The following STRN variants were observed in gnomAD, a reference collection of about 807,000 sequenced individuals.
STRN encodes protein phosphatase 2 regulatory subunit B'''alpha.
A neutral mutation model predicts 96.3 loss-of-function variants in STRN; 53 were observed. The observed-to-expected ratio is 0.55, with a 90% CI of 0.44 to 0.69. STRN has a LOEUF of 0.69. Among genes scored for constraint, STRN ranks in the 30% least tolerant of loss-of-function variants. The probability of loss-of-function intolerance (pLI) is 0.00; values close to 1 mark genes in which losing one functional copy is unlikely to be tolerated. For synonymous variants in STRN, 428 were observed against 355.9 expected, an observed-to-expected ratio of 1.20 and a Z score of -2.28; for missense variants, 987 against 963.9, an observed-to-expected ratio of 1.02 and a Z score of -0.32.
At chr2:36,873,212 C>A (rs1668811244) in intron 10 of STRN, among the ~76,000 whole-genome samples, 1 of 152,218 alleles carries the variant, frequency 6.6e-6, no homozygotes. Context: ...TGGCTGCATA[C>A]ATCTGAGAAA....
chr2:36,894,966 C>A (rs772401561), intron 6 of STRN, among the ~76,000 whole-genome samples: 95 of 152,150 alleles, frequency 6.2e-4, no homozygotes, highest in Non-Finnish European at 1.2e-3. Flanking sequence ...GAAGCCACTA[C>A]CAACAGAACA....
intron 5 of STRN, 73 bp from the exon 6 acceptor site, chr2:36,899,731 T>TAC: frequency 7.5e-7 from 1 of 1,327,864 alleles, no homozygotes; most frequent in African/African-American, 1.5e-5. Flanking sequence ...CATGATATGT[T>TAC]ACATCAACTT....
intron 1 of STRN, among the ~76,000 whole-genome samples, chr2:36,956,130 G>T (rs774836780): frequency 7.2e-5 from 11 of 152,188 alleles, no homozygotes; most frequent in Non-Finnish European, 1.3e-4. Context: ...CAAAGAGAAT[G>T]TAAGTAGCTA....
chr2:36,926,389 C>T (rs10177905), intron 1 of STRN, among the ~76,000 whole-genome samples: 5,663 of 152,254 alleles, frequency 0.037, 129 homozygotes, highest in African/African-American at 0.066. Context: ...TGTACCACCA[C>T]GTCCGTCTAT....
At chr2:36,856,695 A>G (rs950483171) in intron 14 of STRN, among the ~76,000 whole-genome samples, 2 of 152,174 alleles carry the variant, frequency 1.3e-5, no homozygotes, top group South Asian at 2.1e-4. Context: ...GAAATGTTCT[A>G]TCTCTCATAC....
intron 3 of STRN, among the ~76,000 whole-genome samples, chr2:36,912,678 T>C (rs934711510): frequency 6.6e-6 from 1 of 152,210 alleles, no homozygotes; most frequent in Non-Finnish European, 1.5e-5. Context: ...TGGCCTTGAG[T>C]GCCACCAGTA....
At chr2:36,874,529 C>G (rs891470488) in intron 10 of STRN, among the ~76,000 whole-genome samples, 2 of 151,828 alleles carry the variant, frequency 1.3e-5, no homozygotes, top group African/African-American at 4.8e-5. Context: ...GAAAATACAT[C>G]AAGCCATAAA....
At chr2:36,904,765 T>C (rs1206195033) in intron 4 of STRN, among the ~76,000 whole-genome samples, 3 of 152,182 alleles carry the variant, frequency 2.0e-5, no homozygotes, top group Non-Finnish European at 4.4e-5. Flanking sequence ...GAGGCAGCAG[T>C]TGCTGTAAGC....
intron 1 of STRN, among the ~76,000 whole-genome samples, chr2:36,939,183 G>C (rs893349559): frequency 2.3e-4 from 35 of 151,830 alleles, no homozygotes; most frequent in Admixed American, 5.3e-4. Context: ...CGCCCGCCTC[G>C]GCCTCCCAAA....
chr2:36,876,547 G>A (rs2691104), intron 10 of STRN, among the ~76,000 whole-genome samples: 130,517 of 151,962 alleles, frequency 0.86, 57,801 homozygotes, highest in Non-Finnish European at 0.96. Context: ...CTTCTTTACC[G>A]TACCTATGGT....
chr2:36,890,832 T>C (rs1191056667), intron 7 of STRN, among the ~76,000 whole-genome samples: 5 of 152,044 alleles, frequency 3.3e-5, no homozygotes, highest in Middle Eastern at 3.2e-3. Context: ...CTACCAATCA[T>C]TCTAGAAAGT....
At chr2:36,917,264 G>A (rs1670129128) in intron 2 of STRN, among the ~76,000 whole-genome samples, 2 of 151,726 alleles carry the variant, frequency 1.3e-5, no homozygotes, top group Admixed American at 6.6e-5. Flanking sequence ...GCTCATGCCT[G>A]TAATCCTAAC....
chr2:36,883,224 A>C (rs1669121020), intron 9 of STRN, among the ~76,000 whole-genome samples: 1 of 152,104 alleles, frequency 6.6e-6, no homozygotes, highest in Non-Finnish European at 1.5e-5. Flanking sequence ...GGAGCCCAAG[A>C]TGGGCAGATC....
chr2:36,938,400 T>C lies in STRN; in HGVS notation c.235-13192A>G, dbSNP rs541265185. 1.9e-4 allele frequency among the ~76,000 whole-genome samples: 29 copies of C among 150,546 alleles called. No homozygotes were observed. In the South Asian group the frequency reaches 2.9e-3, roughly 15 times the overall value. The stretch of plus-strand genomic sequence containing the variant: ...AAGATCATGTCACTGTACTCCAGCA[T>C]GGGCAATAGAGCAAGATTCTGTCTC... On this transcript the variant is annotated intron_variant, in intron 1 of 17. Coordinates refer to ENST00000263918, the MANE Select transcript of STRN (RefSeq NM_003162.4).
Position 36,846,530 on chromosome 2 carries a change from A to G in STRN, c.*2926T>C, listed in dbSNP as rs1668082513. On this transcript the variant is annotated 3_prime_UTR_variant, in exon 18 of 18. Transcript: ENST00000263918. ...AAATAAATCTTCATCATTATCTCCA[A>G]AAGAAATTTATAGCAAGAATACTGA... The G allele has an allele frequency of 6.7e-6, 1 of 148,510 alleles. No homozygotes were observed. Among genetic ancestry groups the G allele is most frequent in the Non-Finnish European group, 1.5e-5 (1 of 67,358 alleles). The allele number at this position is 148,510 out of a possible 1,614,324, so 9.2% of individuals were successfully genotyped here. A position where few individuals can be genotyped will look rare whatever the true frequency, so the allele number is the denominator to read the frequency against.
intron 9 of STRN, among the ~76,000 whole-genome samples, chr2:36,882,563 T>A (rs1009671104): frequency 6.6e-6 from 1 of 152,090 alleles, no homozygotes; most frequent in Non-Finnish European, 1.5e-5. Context: ...GCCCAGGAGT[T>A]TGAGATCAGC....
chr2:36,868,666 T>C (rs1348714246), intron 11 of STRN, among the ~76,000 whole-genome samples: 2 of 152,192 alleles, frequency 1.3e-5, no homozygotes, highest in Non-Finnish European at 2.9e-5. Flanking sequence ...GGTTGAGCTA[T>C]CTGAAGCAGA....
chr2:36,886,616 T>C, intron 8 of STRN, 100 bp downstream of exon 8: 1 of 890,992 alleles, frequency 1.1e-6, no homozygotes, highest in Non-Finnish European at 1.7e-6. Flanking sequence ...GGAGCAGAAA[T>C]GAAAAAGAGT....
intron 6 of STRN, among the ~76,000 whole-genome samples, chr2:36,897,883 GT>G (rs1169920333): frequency 6.6e-6 from 1 of 151,900 alleles, no homozygotes; most frequent in Non-Finnish European, 1.5e-5. Flanking sequence ...TAGATATGGG[GT>G]CTTGCTATGT....
Sources: allele counts gnomAD v4.1 joint callset (sites outside exome capture counted in the v4.1 genomes callset), GRCh38; gene constraint gnomAD v4.1.1; transcripts MANE v1.5; gene names NCBI Gene and HGNC (gene_info 2026-07-23, HGNC 2026-07-21).